ZBTB20: variants seen among roughly 807,000 people sequenced by gnomAD.
ZBTB20 encodes the protein zinc finger and BTB domain containing 20, also known as zinc finger and BTB domain-containing protein 20.
A neutral mutation model predicts 56.9 loss-of-function variants in ZBTB20; 9 were observed. That is an observed-to-expected ratio of 0.16 (90% confidence interval 0.10 to 0.28). ZBTB20 has a LOEUF of 0.28. ZBTB20 is among the 10% of genes least tolerant of loss of function. The pLI, the probability that ZBTB20 is intolerant of heterozygous loss-of-function variation, is 1.00. For synonymous variants in ZBTB20, 417 were observed against 420.7 expected (o/e 0.99, Z 0.11); for missense variants, 655 against 1,003.0 (o/e 0.65, Z 4.69).
At chr3:114,924,315 A>C (rs185839536) in intron 3 of ZBTB20, among the ~76,000 whole-genome samples, 1 of 152,346 alleles carries the variant, frequency 6.6e-6, no homozygotes, top group Non-Finnish European at 1.5e-5. Context: ...AGTATCCATC[A>C]ATGGGTAAAG....
intron 4 of ZBTB20, among the ~76,000 whole-genome samples, chr3:114,850,566 C>T (rs985528949): frequency 4.6e-5 from 7 of 152,128 alleles, no homozygotes; most frequent in South Asian, 2.1e-4. Flanking sequence ...ATTTTACAGA[C>T]GAGGAAACTA....
intron 7 of ZBTB20, among the ~76,000 whole-genome samples, chr3:114,458,868 A>T (rs1004917117): frequency 5.3e-5 from 8 of 152,268 alleles, no homozygotes; most frequent in African/African-American, 1.9e-4. Flanking sequence ...TTTCCAAAGA[A>T]TTCTTGGCCT....
Position 114,972,297 on chromosome 3 carries a change from A to G in ZBTB20, c.-456+2069T>C, listed in dbSNP as rs562669619. Among the ~76,000 whole-genome samples, 10 of 152,314 alleles carry G rather than the reference A, an allele frequency of 6.6e-5. No individual in the cohort carries two copies. The South Asian group carries it at 1.0e-3, about 16-fold the overall frequency. ...GAACAACCAAACAAAACAAACACAC[A>G]AGAGGTCATTGTGCCTTCCCTCATT... is the stretch of plus-strand genomic sequence containing the variant. On this transcript the variant is annotated intron_variant, in intron 3 of 11. Transcript: ENST00000675478.
intron 6 of ZBTB20, among the ~76,000 whole-genome samples, chr3:114,648,377 C>A (rs145921290): frequency 1.4e-3 from 210 of 151,896 alleles, no homozygotes; most frequent in Admixed American, 0.01. Context: ...ATTTAATGAG[C>A]TAAGTGTCAC....
chr3:114,674,400 G>A (rs1295087312), intron 6 of ZBTB20, among the ~76,000 whole-genome samples: 2 of 152,024 alleles, frequency 1.3e-5, no homozygotes, highest in African/African-American at 2.4e-5. Context: ...AAATAGTTGT[G>A]GTGCATATGT....
At chr3:114,888,790 G>GTAATAC (rs1340629062) in intron 4 of ZBTB20, among the ~76,000 whole-genome samples, 3 of 152,092 alleles carry the variant, frequency 2.0e-5, no homozygotes, top group Non-Finnish European at 4.4e-5. Flanking sequence ...CATTTCTTAA[G>GTAATAC]TAATACTAAA....
chr3:114,649,378 G>T (rs2060008748), intron 6 of ZBTB20, among the ~76,000 whole-genome samples: 1 of 151,962 alleles, frequency 6.6e-6, no homozygotes, highest in Admixed American at 6.6e-5. Context: ...AAAGTGAAAG[G>T]GTAAGTAGAA....
At chr3:115,130,795 CTT>C (rs894728976) in intron 1 of ZBTB20, among the ~76,000 whole-genome samples, 1 of 152,114 alleles carries the variant, frequency 6.6e-6, no homozygotes, top group Non-Finnish European at 1.5e-5. Context: ...GAGTTTCGCT[CTT>C]GTTGCCCAGG....
rs191681967 is a variant in ZBTB20 at position 114,977,175 on chromosome 3, C to T, written c.-506-2759G>A. Among the ~76,000 whole-genome samples, 5 of 152,268 alleles carry T rather than the reference C, an allele frequency of 3.3e-5. No individual in the cohort carries two copies. The East Asian group carries it at 9.6e-4, about 29-fold the overall frequency. ...GACTCCATCAGATTAACACATTTTT[C>T]CAGTGAAGGGACATTGCTACACAGA... On this transcript the variant is annotated intron_variant, in intron 2 of 11. Coordinates refer to ENST00000675478, the MANE Select transcript of ZBTB20 (RefSeq NM_001348800.3).
intron 7 of ZBTB20, among the ~76,000 whole-genome samples, chr3:114,413,526 A>T (rs925291611): frequency 6.6e-6 from 1 of 152,136 alleles, no homozygotes; most frequent in Non-Finnish European, 1.5e-5. Flanking sequence ...TGTCTTATAT[A>T]ACAGTTTCCT....
At chr3:114,873,880 T>C (rs2076099835) in intron 4 of ZBTB20, 1 of 152,184 alleles carries the variant, frequency 6.6e-6, no homozygotes, top group Non-Finnish European at 1.5e-5. Context: ...TTTATGTCAT[T>C]CTCTTCATAT....
chr3:115,036,076 G>A (rs1560513228), intron 2 of ZBTB20, among the ~76,000 whole-genome samples: 1 of 152,056 alleles, frequency 6.6e-6, no homozygotes, highest in Non-Finnish European at 1.5e-5. Context: ...TGGTGGGAAG[G>A]AAAAATGAGG....
intron 3 of ZBTB20, among the ~76,000 whole-genome samples, chr3:114,927,174 A>G (rs571638334): frequency 1.9e-4 from 29 of 152,190 alleles, no homozygotes; most frequent in Admixed American, 6.5e-5. Flanking sequence ...CCTCTTTGTC[A>G]AGGCTAATCA....
chr3:114,512,665 T>C (rs2045546513), intron 6 of ZBTB20, among the ~76,000 whole-genome samples: 1 of 152,310 alleles, frequency 6.6e-6, no homozygotes, highest in Non-Finnish European at 1.5e-5. Context: ...CACTCCCAAC[T>C]AACTTTTCTT....
At chr3:114,924,124 C>T (rs1308885353) in intron 3 of ZBTB20, among the ~76,000 whole-genome samples, 1 of 151,968 alleles carries the variant, frequency 6.6e-6, no homozygotes, top group Admixed American at 6.6e-5. Context: ...ATTGGTATAG[C>T]CATTATGGAA....
intron 6 of ZBTB20, among the ~76,000 whole-genome samples, chr3:114,634,677 T>A (rs982489439): frequency 3.9e-5 from 6 of 152,300 alleles, no homozygotes; most frequent in Admixed American, 3.9e-4. Flanking sequence ...TGCATTTGCA[T>A]GGGTAAAAAG....
chr3:114,556,905 A>G (rs937169848), intron 6 of ZBTB20, among the ~76,000 whole-genome samples: 7 of 152,040 alleles, frequency 4.6e-5, no homozygotes, highest in African/African-American at 4.8e-5. Flanking sequence ...AGAAGACAAT[A>G]AAAAAGATCA....
At chr3:114,538,349 T>G (rs1429540971) in intron 6 of ZBTB20, among the ~76,000 whole-genome samples, 1 of 152,182 alleles carries the variant, frequency 6.6e-6, no homozygotes, top group Admixed American at 6.6e-5. Context: ...TTCTTCAACA[T>G]TAGTAATAAC....
intron 4 of ZBTB20, among the ~76,000 whole-genome samples, chr3:114,820,501 T>G (rs1434785926): frequency 6.6e-6 from 1 of 152,076 alleles, no homozygotes; most frequent in Non-Finnish European, 1.5e-5. Context: ...TGATTTAAAT[T>G]TATTCGTTAT....
Sources: gnomAD v4.1 joint callset for allele counts (sites outside exome capture counted in the v4.1 genomes callset) on GRCh38, gnomAD v4.1.1 for gene constraint, MANE v1.5 for transcripts, NCBI Gene and HGNC (gene_info 2026-07-23, HGNC 2026-07-21) for gene names.